CTBP2: variants seen among roughly 807,000 people sequenced by gnomAD.
The protein encoded by CTBP2 is C-terminal binding protein 2.
Under a neutral mutation model 80.3 loss-of-function variants are expected in CTBP2, and 30 were observed. That is an observed-to-expected ratio of 0.37 (90% CI 0.28 to 0.51). The LOEUF (loss-of-function observed/expected upper bound fraction) is 0.51. Ranked by LOEUF, CTBP2 falls within the 20% of genes least tolerant of loss-of-function variation. The probability of loss-of-function intolerance (pLI) is 0.93; values close to 1 mark genes in which losing one functional copy is unlikely to be tolerated. For synonymous variants in CTBP2, 594 were observed against 587.4 expected (o/e 1.01, Z -0.16); for missense variants, 1,212 against 1,375.3 (o/e 0.88, Z 1.88).
At chr10:125,036,865 T>A (rs1958958698) in intron 3 of CTBP2, among the ~76,000 whole-genome samples, 1 of 152,082 alleles carries the variant, frequency 6.6e-6, no homozygotes, top group Admixed American at 6.5e-5. Flanking sequence ...TGGCAGCACC[T>A]GTGAGATGGG....
rs533822086 is a variant in CTBP2, at chr10:124,987,611, A to AG, written c.*1906dup. On this transcript the variant is annotated 3_prime_UTR_variant, in exon 9 of 9. Coordinates refer to ENST00000309035, the MANE Select transcript of CTBP2 (RefSeq NM_022802.3). ...CTACCTTTTTGTTCCCTGGGGTAAT[A>AG]GGTCAGTAACTATGAGCGCCGTCTC... 1.3e-5 allele frequency: 2 copies of AG among 152,104 alleles called. No individual in the cohort carries two copies. Among genetic ancestry groups the AG allele is most frequent in the African/African-American group, 4.8e-5 (2 of 41,408 alleles). The allele number at this position is 152,104 out of a possible 1,614,324, so 9.4% of individuals were successfully genotyped here. A position where few individuals can be genotyped will look rare whatever the true frequency, so the allele number is the denominator to read the frequency against.
chr10:125,043,604 C>A (rs1960449424), intron 2 of CTBP2, among the ~76,000 whole-genome samples: 1 of 151,744 alleles, frequency 6.6e-6, no homozygotes, highest in African/African-American at 2.4e-5. Flanking sequence ...CGCCCGGCTA[C>A]TTTTTGTACT....
chr10:125,022,652 C>A (rs1957169903), intron 1 of CTBP2, among the ~76,000 whole-genome samples: 1 of 152,242 alleles, frequency 6.6e-6, no homozygotes, highest in Non-Finnish European at 1.5e-5. Context: ...TGCTCCCTTA[C>A]AACTCTCTCT....
intron 1 of CTBP2, among the ~76,000 whole-genome samples, chr10:125,147,305 G>A (rs955691798): frequency 6.6e-6 from 1 of 152,224 alleles, no homozygotes; most frequent in Admixed American, 6.5e-5. Flanking sequence ...CAGGGTGGCT[G>A]GGGCAGCACT....
rs1249199506 is a variant in CTBP2 at position 125,080,160 on chromosome 10, G to A, written c.-102+30830C>T. Among the ~76,000 whole-genome samples, 19 of 152,248 alleles carry A rather than the reference G, an allele frequency of 1.2e-4. 1 individual carries two copies. On this transcript the variant is annotated intron_variant, in intron 2 of 10. Coordinates refer to the CTBP2 transcript ENST00000337195. ...CTACCATGAAGGCATTTTATACTCT[G>A]TTTAACTTCACTGAGGGGCCCATAT...
chr10:125,147,255 T>C (rs1328084314), intron 1 of CTBP2, among the ~76,000 whole-genome samples: 2 of 152,158 alleles, frequency 1.3e-5, no homozygotes, highest in Non-Finnish European at 2.9e-5. Context: ...TAGAGGAGAA[T>C]TCAAACCTGA....
intron 1 of CTBP2, among the ~76,000 whole-genome samples, chr10:125,159,198 T>TGTCCCTGCGCCGCACCGG (rs1396649947): frequency 2.0e-5 from 3 of 149,776 alleles, no homozygotes; most frequent in East Asian, 4.0e-4. Context: ...GCGGCCCGGC[T>TGTCCCTGCGCCGCACCGG]GTCCCTGCGC....
At chr10:125,034,814 A>G (rs1048866760) in intron 3 of CTBP2, among the ~76,000 whole-genome samples, 8 of 152,224 alleles carry the variant, frequency 5.3e-5, no homozygotes, top group Non-Finnish European at 1.2e-4. Flanking sequence ...CCATTTGTCA[A>G]CACTCTGTGG....
chr10:125,023,913 C>T (rs1056023493), intron 1 of CTBP2, among the ~76,000 whole-genome samples: 12 of 152,312 alleles, frequency 7.9e-5, no homozygotes, highest in South Asian at 2.1e-4. Flanking sequence ...TCCAGAAGGG[C>T]GTTCCTTGTC....
chr10:125,058,897 A>G (rs1468920535), intron 2 of CTBP2, among the ~76,000 whole-genome samples: 1 of 152,158 alleles, frequency 6.6e-6, no homozygotes, highest in African/African-American at 2.4e-5. Context: ...CTGTCTCAAA[A>G]TAAAAAGGCA....
chr10:125,150,175 T>G (rs1387230950), intron 1 of CTBP2, among the ~76,000 whole-genome samples: 3 of 152,204 alleles, frequency 2.0e-5, no homozygotes, highest in African/African-American at 4.8e-5. Flanking sequence ...CAACCAGAGT[T>G]GGGGAGGGGT....
rs1189437839 is a variant in CTBP2 at position 124,986,743 on chromosome 10, CTATG to C, written c.*2771_*2774del. On this transcript the variant is annotated 3_prime_UTR_variant, in exon 9 of 9. Coordinates refer to ENST00000309035, the MANE Select transcript of CTBP2 (RefSeq NM_022802.3). ...CTACTTAGCATCTGTAGTAATTTCTCTATGTATAGGGATAATTTTTTAGTGGGCA... is the reference window on the plus strand; with the variant it reads ...CTACTTAGCATCTGTAGTAATTTCTCTATAGGGATAATTTTTTAGTGGGCA... 6.6e-6 allele frequency: 1 copy of C among 152,140 alleles called. No homozygotes were observed. The allele number at this position is 152,140 out of a possible 1,614,324, so 9.4% of individuals were successfully genotyped here.
intron 5 of CTBP2, 113 bp from the exon 8 acceptor site, chr10:124,994,098 G>C (rs1361688319): frequency 7.0e-7 from 1 of 1,425,646 alleles, no homozygotes; most frequent in African/African-American, 1.4e-5. Context: ...GTGGTTTAAT[G>C]TGTGTGCTGC....
At chr10:125,032,217 G>GTGC (rs1958312609), upstream of CTBP2, among the ~76,000 whole-genome samples, 1 of 152,154 alleles carries the variant, frequency 6.6e-6, no homozygotes, top group Non-Finnish European at 1.5e-5. Context: ...TCAAGAGGCT[G>GTGC]TGCTCAGCTC....
chr10:125,123,920 G>A (rs1854768543), intron 1 of CTBP2, among the ~76,000 whole-genome samples: 1 of 152,224 alleles, frequency 6.6e-6, no homozygotes, highest in Non-Finnish European at 1.5e-5. Flanking sequence ...GACCAGCAGA[G>A]AAAACCAGCC....
intron 1 of CTBP2, among the ~76,000 whole-genome samples, chr10:125,018,557 AAAC>A (rs1956740935): frequency 1.6e-5 from 1 of 64,274 alleles, no homozygotes; most frequent in Non-Finnish European, 3.3e-5. Flanking sequence ...ACCAACCAAC[AAAC>A]AAACAAACAA....
intron 1 of CTBP2, among the ~76,000 whole-genome samples, chr10:125,115,714 A>C (rs774215058): frequency 2.0e-5 from 3 of 152,222 alleles, no homozygotes; most frequent in South Asian, 2.1e-4. Flanking sequence ...GACATTCAGC[A>C]CAAGAATCCA....
intron 8 of CTBP2, among the ~76,000 whole-genome samples, chr10:124,992,446 C>A (rs1260325414): frequency 6.6e-6 from 1 of 152,116 alleles, no homozygotes; most frequent in Non-Finnish European, 1.5e-5. Context: ...AAGGCAGTTC[C>A]TAGCACCTGT....
intron 8 of CTBP2, among the ~76,000 whole-genome samples, chr10:124,991,898 G>C (rs10901848): frequency 4.1e-5 from 6 of 145,018 alleles, no homozygotes; most frequent in South Asian, 2.3e-4. Context: ...AATAATGGGG[G>C]GGGGGGTGTG....
Sources: allele counts gnomAD v4.1 joint callset (sites outside exome capture counted in the v4.1 genomes callset), GRCh38; gene constraint gnomAD v4.1.1; transcripts MANE v1.5; gene names NCBI Gene and HGNC (gene_info 2026-07-23, HGNC 2026-07-21).